The following PRR5 variants were observed in gnomAD, a reference collection of about 807,000 sequenced individuals.
PRR5 encodes the protein proline-rich protein 5.
PRR5 carries 25 observed loss-of-function variants against 30.6 expected under a neutral mutation model. The observed-to-expected ratio is 0.82, with a 90% confidence interval of 0.60 to 1.14. PRR5 has a LOEUF of 1.14. Among genes scored for constraint, PRR5 ranks in the 50% most tolerant of loss-of-function variants. The pLI is 0.00. For missense variants in PRR5, 600 were observed against 547.1 expected (o/e 1.10, Z -0.96); for synonymous variants, 286 against 247.1 (o/e 1.16, Z -1.48).
At chr22:44,693,134 T>C (rs1909909545) in intron 1 of PRR5, among the ~76,000 whole-genome samples, 1 of 152,098 alleles carries the variant, frequency 6.6e-6, no homozygotes, top group African/African-American at 2.4e-5. Context: ...GGGCCTGCCA[T>C]AACTAATGAC....
intron 2 of PRR5, among the ~76,000 whole-genome samples, chr22:44,717,189 C>CTTTTTT (rs57193514): frequency 3.4e-5 from 4 of 116,752 alleles, no homozygotes; most frequent in African/African-American, 6.6e-5. Flanking sequence ...CCCCCTTACC[C>CTTTTTT]TTTTTTTTTT....
chr22:44,735,050 G>T lies in PRR5; in HGVS notation c.579G>T (p.Val193=). The change falls in exon 7 of 8, where the codon GTG becomes GTT. Residue 193 remains valine, a synonymous_variant. Transcript: ENST00000336985. ...AGGGGGTACATGAGTCCAGGGGCGT[G>T]ACTGAGGACTACCTGCGCCTGGAGA... ...VLQGVHESRG[V]TEDYLRLETL... 6.2e-7 allele frequency: 1 copy of T among 1,612,836 alleles called. No homozygotes were observed. The highest frequency in any genetic ancestry group is 1.1e-5 in the South Asian group (1 of 91,066).
rs1321439701 is a variant in PRR5, at chr22:44,737,518, C to G, written c.*271C>G. The stretch of plus-strand genomic sequence containing the variant: ...GTCGGCCGCTCGCTCCCACGCTCCT[C>G]CTGCCCCAGCCCTCTGGTGTCCACA... On this transcript the variant is annotated 3_prime_UTR_variant, in exon 8 of 8. Coordinates refer to ENST00000336985, the MANE Select transcript of PRR5 (RefSeq NM_181333.4). 1 of 531,748 alleles carries G rather than the reference C, an allele frequency of 1.9e-6. No homozygotes were observed. The highest frequency in any genetic ancestry group is 3.1e-6 in the Non-Finnish European group (1 of 318,008). 32.9% of individuals were successfully genotyped at this position (531,748 alleles called of 1,614,324 possible).
intron 1 of PRR5, among the ~76,000 whole-genome samples, chr22:44,682,346 G>A (rs1470382737): frequency 1.3e-5 from 2 of 152,182 alleles, no homozygotes; most frequent in African/African-American, 2.4e-5. Flanking sequence ...AGAATGGGGG[G>A]AGGAGGAAGG....
At chr22:44,723,458 G>T (rs183206263) in intron 2 of PRR5, among the ~76,000 whole-genome samples, 1 of 152,124 alleles carries the variant, frequency 6.6e-6, no homozygotes, top group African/African-American at 2.4e-5. Flanking sequence ...AGTGGCTCAC[G>T]CCTGTAATCC....
intron 2 of PRR5, among the ~76,000 whole-genome samples, chr22:44,715,913 T>C (rs1042124902): frequency 9.9e-5 from 15 of 152,278 alleles, no homozygotes; most frequent in Admixed American, 7.2e-4. Flanking sequence ...CCTCTCAAAG[T>C]GTTAGAATTA....
chr22:44,727,697 C>G (rs1921103263), intron 4 of PRR5, among the ~76,000 whole-genome samples: 2 of 152,154 alleles, frequency 1.3e-5, no homozygotes, highest in African/African-American at 4.8e-5. Flanking sequence ...CCCTCTGACC[C>G]TGGGAAAAAG....
At chr22:44,704,626 A>G (rs189206352) in intron 1 of PRR5, among the ~76,000 whole-genome samples, 2 of 151,464 alleles carry the variant, frequency 1.3e-5, no homozygotes, top group Admixed American at 1.3e-4. Context: ...CATTTCCTGC[A>G]CTCCTCTTAT....
intron 1 of PRR5, among the ~76,000 whole-genome samples, chr22:44,682,319 A>G (rs993718729): frequency 6.6e-6 from 1 of 152,176 alleles, no homozygotes; most frequent in Non-Finnish European, 1.5e-5. Context: ...AGGGGATGCC[A>G]TAGGCAGACG....
At chr22:44,689,903 C>T (rs1269117581) in intron 1 of PRR5, among the ~76,000 whole-genome samples, 3 of 152,258 alleles carry the variant, frequency 2.0e-5, no homozygotes, top group African/African-American at 7.2e-5. Flanking sequence ...CCCGCCTCGG[C>T]TTCCCAAAGT....
In PRR5 at chr22:44,736,644, G is replaced by A. The variant is rs1047701912; in HGVS notation, c.692-128G>A. ...TTGTGGCGGTGGGACCTGCTGAGCC[G>A]GGCCCCGGGTCGGGCCTTCCCTGCA... On this transcript the variant is annotated intron_variant, in intron 7 of 7. Transcript: ENST00000336985. The A allele has an allele frequency of 7.3e-5, 105 of 1,435,040 alleles. 1 individual carries two copies. Among genetic ancestry groups the A allele is most frequent in the East Asian group, 1.2e-4 (5 of 41,924 alleles). 88.9% of individuals were successfully genotyped at this position (1,435,040 alleles called of 1,614,324 possible). A position where few individuals can be genotyped will look rare whatever the true frequency, so the allele number is the denominator to read the frequency against.
intron 2 of PRR5, among the ~76,000 whole-genome samples, chr22:44,720,828 A>G (rs1034627187): frequency 6.6e-6 from 1 of 152,098 alleles, no homozygotes; most frequent in African/African-American, 2.4e-5. Context: ...GAGTTCATTC[A>G]TTGTGAGCTG....
rs77098551 is a variant in PRR5 at position 44,684,674 on chromosome 22, C to T, written c.-11+7434C>T. 8.8e-3 allele frequency among the ~76,000 whole-genome samples: 1,335 copies of T among 152,338 alleles called. 33 individuals carry two copies. The highest frequency in any genetic ancestry group is 0.03 in the African/African-American group (1,264 of 41,584). On this transcript the variant is annotated intron_variant, in intron 1 of 8. Transcript: ENST00000006251. ...TGGTGTTGCCCAGCTTGCACCCGCC[C>T]CCAGCTCTCTGCCCAGGGCACTGTT...
At chr22:44,701,298 G>T (rs1926261356), upstream of PRR5, among the ~76,000 whole-genome samples, 1 of 152,220 alleles carries the variant, frequency 6.6e-6, no homozygotes, top group Non-Finnish European at 1.5e-5. Context: ...GAAGGGCCCT[G>T]TTCAAGGGGC....
intron 1 of PRR5, chr22:44,679,624 T>C: frequency 3.7e-6 from 2 of 543,024 alleles, no homozygotes; most frequent in South Asian, 2.5e-5. Context: ...GGAGAAGCAC[T>C]TGAACCCAGG....
chr22:44,706,046 T>C (rs1927143520), intron 1 of PRR5, among the ~76,000 whole-genome samples: 1 of 152,144 alleles, frequency 6.6e-6, no homozygotes, highest in Non-Finnish European at 1.5e-5. Context: ...GTGATCCGCC[T>C]GCCTCAGCCT....
At chr22:44,676,245 G>C (rs974485284), upstream of PRR5, among the ~76,000 whole-genome samples, 1 of 151,666 alleles carries the variant, frequency 6.6e-6, no homozygotes, top group African/African-American at 2.4e-5. Context: ...AAATGAGTCA[G>C]CCGGGCATGG....
intron 1 of PRR5, among the ~76,000 whole-genome samples, chr22:44,686,144 T>G (rs1037014236): frequency 6.6e-6 from 1 of 152,014 alleles, no homozygotes; most frequent in Non-Finnish European, 1.5e-5. Context: ...TCTCAGCTAC[T>G]TGGAGGCTGA....
Position 44,736,866 on chromosome 22 carries a change from C to G in PRR5, c.786C>G (p.Pro262=), listed in dbSNP as rs780152115. The change falls in exon 8 of 8, where the codon CCC becomes CCG. Residue 262 remains proline, a synonymous_variant. Coordinates refer to ENST00000336985, the MANE Select transcript of PRR5 (RefSeq NM_181333.4). ...SKSYNTPLLN[P]VQEHEAEGAA... is the part of the protein sequence containing the mutation. ...GCTACAACACGCCTCTGCTGAACCCCGTGCAGGAGCACGAGGCGGAGGGCG... is the reference window on the plus strand; with the variant it reads ...GCTACAACACGCCTCTGCTGAACCCGGTGCAGGAGCACGAGGCGGAGGGCG... 2 of 1,609,442 alleles carry G rather than the reference C, an allele frequency of 1.2e-6. No individual in the cohort carries two copies. Among genetic ancestry groups the G allele is most frequent in the Non-Finnish European group, 1.7e-6 (2 of 1,178,012 alleles).
Sources: gnomAD v4.1 joint callset for allele counts (sites outside exome capture counted in the v4.1 genomes callset) on GRCh38, gnomAD v4.1.1 for gene constraint, MANE v1.5 for transcripts, NCBI Gene and HGNC (gene_info 2026-07-23, HGNC 2026-07-21) for gene names.